The following EPHA4 variants were observed in gnomAD, a reference collection of about 807,000 sequenced individuals.
EPHA4 encodes the protein ephrin type-A receptor 4.
In EPHA4, 19 loss-of-function variants were observed where a neutral mutation model predicts 108.3. The observed-to-expected ratio is 0.18, with a 90% CI of 0.12 to 0.26. The LOEUF (loss-of-function observed/expected upper bound fraction) is 0.26. Ranked by LOEUF, EPHA4 falls within the 10% of genes least tolerant of loss-of-function variation. The pLI, the probability that EPHA4 is intolerant of heterozygous loss-of-function variation, is 1.00. For synonymous variants in EPHA4, 449 were observed against 455.5 expected, an observed-to-expected ratio of 0.99 and a Z score of 0.18; for missense variants, 917 against 1,254.0, an observed-to-expected ratio of 0.73 and a Z score of 4.06.
chr2:221,476,016 T>C lies in EPHA4; in HGVS notation c.1318+6336A>G, dbSNP rs1204468772. ...GATGGATGCACTTGAGGCCAGGTATTTGAGACCAGCCTGGGCAACATGGAA... is the reference window on the plus strand; with the variant it reads ...GATGGATGCACTTGAGGCCAGGTATCTGAGACCAGCCTGGGCAACATGGAA... On this transcript the variant is annotated intron_variant, in intron 5 of 17. Coordinates refer to ENST00000281821, the MANE Select transcript of EPHA4 (RefSeq NM_004438.5). Among the ~76,000 whole-genome samples, 3 of 152,248 alleles carry C rather than the reference T, an allele frequency of 2.0e-5. No individual in the cohort carries two copies. In the East Asian group the frequency reaches 5.8e-4, roughly 29 times the overall value.
At chr2:221,488,052 C>T (rs975332836) in intron 4 of EPHA4, among the ~76,000 whole-genome samples, 4 of 152,028 alleles carry the variant, frequency 2.6e-5, no homozygotes, top group African/African-American at 9.7e-5. Context: ...ATATTTTAGG[C>T]TTTATGGGCC....
chr2:221,531,244 G>T (rs887009426), intron 3 of EPHA4, among the ~76,000 whole-genome samples: 2 of 152,104 alleles, frequency 1.3e-5, no homozygotes, highest in African/African-American at 4.8e-5. Flanking sequence ...GTTTATACTG[G>T]TAGGTTTATT....
chr2:221,470,335 G>A (rs911464272), intron 5 of EPHA4, among the ~76,000 whole-genome samples: 17 of 149,678 alleles, frequency 1.1e-4, no homozygotes, highest in South Asian at 2.1e-4. Flanking sequence ...GAGAAAGGGC[G>A]GGGGGGAGAG....
chr2:221,509,141 C>T (rs756894562), intron 3 of EPHA4, among the ~76,000 whole-genome samples: 1 of 152,102 alleles, frequency 6.6e-6, no homozygotes, highest in Non-Finnish European at 1.5e-5. Flanking sequence ...CCAGCCTGAC[C>T]AACATGGAGA....
At chr2:221,482,273 C>T (rs1347205476) in intron 5 of EPHA4, 79 bp downstream of exon 5, 1 of 1,279,196 alleles carries the variant, frequency 7.8e-7, no homozygotes. Context: ...TCAATTATAG[C>T]AATTTATTAT....
chr2:221,425,565 A>C lies in EPHA4; in HGVS notation c.*463T>G, dbSNP rs968961688. 2 of 155,318 alleles carry C rather than the reference A, an allele frequency of 1.3e-5. No individual in the cohort carries two copies. Among genetic ancestry groups the C allele is most frequent in the Non-Finnish European group, 2.9e-5 (2 of 70,130 alleles). 9.6% of individuals were successfully genotyped at this position (155,318 alleles called of 1,614,324 possible). A position where few individuals can be genotyped will look rare whatever the true frequency, so the allele number is the denominator to read the frequency against. ...TGGTATGAACCAAGCCCTAAAAGCC[A>C]CAGCTGAGTCCTTAAAAAATGTTCC... On this transcript the variant is annotated 3_prime_UTR_variant, in exon 17 of 18. Coordinates refer to ENST00000281821, the MANE Select transcript of EPHA4 (RefSeq NM_004438.5).
At chr2:221,484,616 A>T (rs1175765676) in intron 4 of EPHA4, among the ~76,000 whole-genome samples, 1 of 152,244 alleles carries the variant, frequency 6.6e-6, no homozygotes, top group Non-Finnish European at 1.5e-5. Flanking sequence ...ACTGGAATAT[A>T]ATGACAAATG....
intron 1 of EPHA4, among the ~76,000 whole-genome samples, chr2:221,569,131 T>G (rs1167235807): frequency 6.6e-6 from 1 of 152,200 alleles, no homozygotes; most frequent in Non-Finnish European, 1.5e-5. Flanking sequence ...AAATCTGCAT[T>G]CATCTCTGTC....
intron 14 of EPHA4, among the ~76,000 whole-genome samples, chr2:221,430,757 T>C (rs1690048279): frequency 6.6e-6 from 1 of 152,202 alleles, no homozygotes; most frequent in Admixed American, 6.5e-5. Flanking sequence ...TGGCTGTCAG[T>C]CGACCCTGTT....
intron 3 of EPHA4, among the ~76,000 whole-genome samples, chr2:221,559,462 G>A (rs1694393771): frequency 6.6e-6 from 1 of 152,128 alleles, no homozygotes; most frequent in African/African-American, 2.4e-5. Context: ...TGTAATCCCA[G>A]CACTTTGAGA....
intron 5 of EPHA4, among the ~76,000 whole-genome samples, chr2:221,468,067 A>G (rs1041279208): frequency 1.3e-5 from 2 of 152,138 alleles, no homozygotes; most frequent in Non-Finnish European, 1.5e-5. Flanking sequence ...AGTGAGATGA[A>G]TCTTCTCACT....
At chr2:221,514,846 T>C (rs1692942851) in intron 3 of EPHA4, among the ~76,000 whole-genome samples, 1 of 152,194 alleles carries the variant, frequency 6.6e-6, no homozygotes, top group Admixed American at 6.5e-5. Context: ...GTGGAACAAC[T>C]GTTCTTTGTA....
chr2:221,549,816 A>T (rs1456862625), intron 3 of EPHA4, among the ~76,000 whole-genome samples: 2 of 152,126 alleles, frequency 1.3e-5, no homozygotes, highest in African/African-American at 2.4e-5. Flanking sequence ...GTGAAACCCC[A>T]TCTCTACTAA....
intron 8 of EPHA4, among the ~76,000 whole-genome samples, chr2:221,449,694 TAACA>T (rs199822172): frequency 0.01 from 1,582 of 152,262 alleles, 22 homozygotes; most frequent in African/African-American, 0.036. Context: ...CTATTCAATA[TAACA>T]AACAAAATAG....
intron 14 of EPHA4, among the ~76,000 whole-genome samples, chr2:221,433,160 A>C (rs1400412926): frequency 6.6e-6 from 1 of 152,184 alleles, no homozygotes. Flanking sequence ...GGCAACCTGC[A>C]TCCCATTTCT....
chr2:221,478,092 T>A (rs78287949), intron 5 of EPHA4, among the ~76,000 whole-genome samples: 1 of 151,932 alleles, frequency 6.6e-6, no homozygotes, highest in Non-Finnish European at 1.5e-5. Context: ...GGGACCATAA[T>A]GATTTAAAAC....
chr2:221,468,269 A>C (rs568481010), intron 5 of EPHA4, among the ~76,000 whole-genome samples: 32 of 152,218 alleles, frequency 2.1e-4, no homozygotes, highest in African/African-American at 7.5e-4. Flanking sequence ...TTTTTTAAAC[A>C]AATAACCAAC....
At position 221,504,985 on chromosome 2, in the gene EPHA4, C is replaced by T; in HGVS notation, c.824-3813G>A. Among the ~76,000 whole-genome samples, 2 of 152,006 alleles carry T rather than the reference C, an allele frequency of 1.3e-5. 1 individual carries two copies. The highest frequency in any genetic ancestry group is 1.3e-4 in the Admixed American group (2 of 15,266). The stretch of plus-strand genomic sequence containing the variant: ...GGAGGGGTAAGGATCTGGGCTGGTC[C>T]CAACTTCTATTTGTTCCCCCAGCCC... On this transcript the variant is annotated intron_variant, in intron 3 of 17. Coordinates refer to ENST00000281821, the MANE Select transcript of EPHA4 (RefSeq NM_004438.5).
chr2:221,566,830 AAGG>A (rs1419454748), intron 2 of EPHA4, among the ~76,000 whole-genome samples: 1 of 129,100 alleles, frequency 7.7e-6, no homozygotes, highest in South Asian at 2.5e-4. Context: ...GAAGAAGGAG[AAGG>A]AGAAGAAGGA....
Sources: gnomAD v4.1 joint callset for allele counts (sites outside exome capture counted in the v4.1 genomes callset) on GRCh38, gnomAD v4.1.1 for gene constraint, MANE v1.5 for transcripts, NCBI Gene and HGNC (gene_info 2026-07-23, HGNC 2026-07-21) for gene names.